The following TBRG4 variants were observed in gnomAD, a reference collection of about 807,000 sequenced individuals.
TBRG4 encodes FAST kinase domain-containing protein 4.
A neutral mutation model predicts 65.6 loss-of-function variants in TBRG4; 43 were observed. The ratio of observed to expected loss-of-function variants is 0.66; its 90% CI spans 0.51 to 0.85. TBRG4 has a LOEUF of 0.85. TBRG4 is among the 40% of genes least tolerant of loss of function. The probability of loss-of-function intolerance (pLI) is 0.00; values close to 1 mark genes in which losing one functional copy is unlikely to be tolerated. For missense variants in TBRG4, 709 were observed against 787.9 expected, an observed-to-expected ratio of 0.90 and a Z score of 1.20; for synonymous variants, 366 against 341.4, an observed-to-expected ratio of 1.07 and a Z score of -0.79.
At chr7:45,103,691 T>C (rs1784843114) in intron 5 of TBRG4, 5 of 552,030 alleles carry the variant, frequency 9.1e-6, no homozygotes, top group Non-Finnish European at 1.6e-5. Context: ...ATAAGGGATT[T>C]AGAAATATTC....
Position 45,101,286 on chromosome 7 carries a change from A to G in TBRG4, c.1766T>C (p.Ile589Thr), listed in dbSNP as rs780926320. ...LGRFVLARRH[I>T]VAAGFLIVDV... Reference sequence around the variant, plus strand: ...CACTATCAGGAAGCCTGCAGCCACTATGTGTCGCCGGGCCAGAACAAAGCG... The same window carrying G: ...CACTATCAGGAAGCCTGCAGCCACTGTGTGTCGCCGGGCCAGAACAAAGCG... The change falls in exon 10 of 11, where the codon ATA (isoleucine) becomes ACA (threonine). Residue 589 changes from isoleucine (I) to threonine (T), a missense_variant. Transcript: ENST00000258770. The G allele has an allele frequency of 1.2e-6, 2 of 1,613,778 alleles. No homozygotes were observed. Among genetic ancestry groups the G allele is most frequent in the South Asian group, 1.1e-5 (1 of 91,076 alleles).
intron 10 of TBRG4, among the ~76,000 whole-genome samples, chr7:45,100,678 G>A (rs1226608430): frequency 6.6e-6 from 1 of 152,244 alleles, no homozygotes; most frequent in Non-Finnish European, 1.5e-5. Flanking sequence ...GGCCCAAGAA[G>A]GGCTTCTGAA....
intron 3 of TBRG4, 40 bp from the exon 4 acceptor site, chr7:45,104,749 G>A (rs370066970): frequency 8.1e-6 from 13 of 1,602,190 alleles, no homozygotes; most frequent in South Asian, 1.1e-5. Context: ...TCAATGGCCT[G>A]GGGTGGCAGA....
intron 1 of TBRG4, chr7:45,110,619 T>A (rs1785099272): frequency 7.0e-6 from 1 of 143,118 alleles, no homozygotes; most frequent in East Asian, 2.0e-4. Context: ...CCAGCCTGGG[T>A]GGCAGAGCGA....
In TBRG4 at chr7:45,102,386, G is replaced by A. The variant is rs924475614; in HGVS notation, c.1282C>T (p.Gln428Ter). 6.2e-7 allele frequency: 1 copy of A among 1,614,106 alleles called. No individual in the cohort carries two copies. The highest frequency in any genetic ancestry group is 1.1e-5 in the South Asian group (1 of 91,086). ...TGAAATTCAGGGTGGAGGACGGCTT[G>A]CAGCTCTGCTTCCCGTGCCTGCTGC... ...VLQQAREAEL[Q>*]AVLHPEFHIQ... Residue 428 changes from glutamine to a stop codon, truncating the protein, a stop_gained, in exon 7 of 11, where the codon CAA becomes TAA. Transcript: ENST00000258770. LOFTEE classifies it high-confidence loss of function.
intron 3 of TBRG4, 116 bp downstream of exon 3, chr7:45,105,325 C>T (rs771798756): frequency 1.1e-4 from 134 of 1,188,156 alleles, no homozygotes; most frequent in Non-Finnish European, 1.5e-4. Context: ...CAGAAGCTCC[C>T]AGGGCTCTGA....
chr7:45,103,116 G>A (rs1212058433), intron 6 of TBRG4: 8 of 582,668 alleles, frequency 1.4e-5, no homozygotes, highest in Non-Finnish European at 2.2e-5. Flanking sequence ...ACCCCCCAGC[G>A]CTGCCTGGCA....
chr7:45,104,362 C>T, intron 4 of TBRG4, 106 bp from the exon 5 acceptor site: 3 of 1,585,922 alleles, frequency 1.9e-6, no homozygotes, highest in Non-Finnish European at 1.7e-6. Flanking sequence ...TGTCTGTAAC[C>T]AAATTTATCC....
chr7:45,102,767 C>A, intron 6 of TBRG4: 1 of 484,606 alleles, frequency 2.1e-6, no homozygotes. Flanking sequence ...CTACAACCAA[C>A]CTACTGGCAG....
At chr7:45,101,050 C>T (rs147224057) in intron 10 of TBRG4, among the ~76,000 whole-genome samples, 3 of 152,322 alleles carry the variant, frequency 2.0e-5, no homozygotes, top group African/African-American at 7.2e-5. Flanking sequence ...TTTGGGTTCA[C>T]CCACGGGGTG....
intron 7 of TBRG4, 35 bp from the exon 8 acceptor site, chr7:45,102,105 C>A: frequency 6.4e-7 from 1 of 1,557,288 alleles, no homozygotes; most frequent in Non-Finnish European, 8.6e-7. Context: ...GGAGGTGGGC[C>A]TACGGCCAGA....
At position 45,105,699 on chromosome 7, in the gene TBRG4, G is replaced by A; in HGVS notation, c.477C>T (p.Pro159=). The A allele has an allele frequency of 1.2e-6, 2 of 1,614,026 alleles. No individual in the cohort carries two copies. Among genetic ancestry groups the A allele is most frequent in the East Asian group, 4.5e-5 (2 of 44,888 alleles). The change falls in exon 3 of 11, where the codon CCC becomes CCT. Residue 159 remains proline (P), a synonymous_variant. Transcript: ENST00000258770. ...CCGACTGCAGCTCCTTGGAGGCCTT[G>A]GGGATGCCCAGAGCATACAGGCTTC... The part of the protein sequence containing the change: ...LLGSLYALGI[P]KASKELQSVE...
intron 1 of TBRG4, chr7:45,111,024 G>A (rs1279638544): frequency 6.6e-6 from 1 of 152,330 alleles, no homozygotes; most frequent in African/African-American, 2.4e-5. Context: ...CGCCCAGACT[G>A]GAGTGCAATG....
At chr7:45,103,097 A>G (rs908119256) in intron 6 of TBRG4, 3 of 565,804 alleles carry the variant, frequency 5.3e-6, no homozygotes, top group Non-Finnish European at 9.5e-6. Context: ...AAGGAGCACC[A>G]GAGGCAGGAC....
intron 2 of TBRG4, chr7:45,107,880 A>G (rs1785009772): frequency 6.5e-6 from 1 of 152,680 alleles, no homozygotes; most frequent in Non-Finnish European, 1.5e-5. Flanking sequence ...TTATATCCCC[A>G]GCAAGAAATA....
Position 45,105,768 on chromosome 7 carries a change from G to C in TBRG4, c.412-4C>G, listed in dbSNP as rs1784933099. 2 of 1,598,376 alleles carry C rather than the reference G, an allele frequency of 1.3e-6. No homozygotes were observed. Among genetic ancestry groups the C allele is most frequent in the Middle Eastern group, 1.7e-4 (1 of 5,984 alleles). On this transcript the variant is annotated splice_polypyrimidine_tract_variant and splice_region_variant and intron_variant, in intron 2 of 10. Coordinates refer to ENST00000258770, the MANE Select transcript of TBRG4 (RefSeq NM_004749.4). ...TACCATGCCAGACCGAGGCAATCTAGGCAGAGAAAGGACACAGGAGAAATG... is the reference window on the plus strand; with the variant it reads ...TACCATGCCAGACCGAGGCAATCTACGCAGAGAAAGGACACAGGAGAAATG...
intron 2 of TBRG4, chr7:45,106,100 A>T: frequency 1.8e-6 from 1 of 571,076 alleles, no homozygotes; most frequent in South Asian, 1.4e-5. Context: ...CATGGCTGCC[A>T]AGCACCTGCA....
chr7:45,108,695 TA>T, intron 2 of TBRG4, 131 bp downstream of exon 2: 3 of 743,134 alleles, frequency 4.0e-6, no homozygotes, highest in East Asian at 2.8e-5. Flanking sequence ...TTGAAATTTA[TA>T]AAAAAATAAA....
At chr7:45,108,646 C>T (rs1280973703) in intron 2 of TBRG4, among the ~76,000 whole-genome samples, 181 bp downstream of exon 2, 2 of 152,190 alleles carry the variant, frequency 1.3e-5, no homozygotes, top group African/African-American at 4.8e-5. Context: ...TAACAGGCCT[C>T]TTGTAAGGAT....
Sources: allele counts gnomAD v4.1 joint callset (sites outside exome capture counted in the v4.1 genomes callset), GRCh38; gene constraint gnomAD v4.1.1; transcripts MANE v1.5; gene names NCBI Gene and HGNC (gene_info 2026-07-23, HGNC 2026-07-21).